CDH12: variants seen among roughly 807,000 people sequenced by gnomAD.
CDH12 encodes the protein cadherin 12.
A neutral mutation model predicts 74.1 loss-of-function variants in CDH12; 41 were observed. That is an observed-to-expected ratio of 0.55 (90% CI 0.43 to 0.72). The LOEUF (loss-of-function observed/expected upper bound fraction) is 0.72, where lower values mean the gene tolerates loss of function less well. Among genes scored for constraint, CDH12 ranks in the 30% least tolerant of loss-of-function variants. The pLI, the probability that CDH12 is intolerant of heterozygous loss-of-function variation, is 0.00. For synonymous variants in CDH12, 399 were observed against 355.0 expected (o/e 1.12, Z -1.39); for missense variants, 945 against 977.2 (o/e 0.97, Z 0.44).
At chr5:22,045,235 A>G (rs780270100) in intron 5 of CDH12, among the ~76,000 whole-genome samples, 32 of 152,188 alleles carry the variant, frequency 2.1e-4, no homozygotes, top group Non-Finnish European at 3.8e-4. Flanking sequence ...CAAAACCATA[A>G]TAAGATTGCA....
intron 6 of CDH12, among the ~76,000 whole-genome samples, chr5:21,860,259 A>G (rs1167583017): frequency 6.6e-6 from 1 of 152,080 alleles, no homozygotes; most frequent in Non-Finnish European, 1.5e-5. Flanking sequence ...TTGATTTCAT[A>G]TCAGCATTTA....
At chr5:22,601,285 A>G (rs769627189) in intron 1 of CDH12, among the ~76,000 whole-genome samples, 1 of 152,038 alleles carries the variant, frequency 6.6e-6, no homozygotes, top group Non-Finnish European at 1.5e-5. Flanking sequence ...CCGGGTATTA[A>G]GCCTAGTACA....
intron 5 of CDH12, among the ~76,000 whole-genome samples, chr5:21,982,530 TATCCATATATAGAG>T (rs1352356163): frequency 6.6e-6 from 1 of 151,762 alleles, no homozygotes; most frequent in Non-Finnish European, 1.5e-5. Context: ...GATACATCTA[TATCCATATATAGAG>T]ATCCATATAT....
At chr5:22,774,676 A>G (rs1746993981) in intron 1 of CDH12, among the ~76,000 whole-genome samples, 1 of 152,064 alleles carries the variant, frequency 6.6e-6, no homozygotes, top group Non-Finnish European at 1.5e-5. Flanking sequence ...CTTCACCATT[A>G]TTTTGAGGCC....
In CDH12 at chr5:22,059,317, C is replaced by CTAT. The variant is rs1293132949; in HGVS notation, c.231+19128_231+19129insATA. On this transcript the variant is annotated intron_variant, in intron 5 of 14. Transcript: ENST00000382254. ...TATCATCTATCTATCTATCATCTATCCATCTATCGTCTATCTATCATCTAT... is the reference window on the plus strand; with the variant it reads ...TATCATCTATCTATCTATCATCTATCTATCATCTATCGTCTATCTATCATCTAT... Among the ~76,000 whole-genome samples, 42 of 150,354 alleles carry CTAT rather than the reference C, an allele frequency of 2.8e-4. No homozygotes were observed. In the East Asian group the frequency reaches 4.5e-3, roughly 16 times the overall value.
intron 1 of CDH12, among the ~76,000 whole-genome samples, chr5:22,558,973 T>G (rs1348427481): frequency 6.6e-6 from 1 of 152,124 alleles, no homozygotes; most frequent in Non-Finnish European, 1.5e-5. Flanking sequence ...AAGATGCCAC[T>G]GCTTGTATGT....
At chr5:22,746,822 T>G (rs1238801031) in intron 1 of CDH12, among the ~76,000 whole-genome samples, 1 of 152,170 alleles carries the variant, frequency 6.6e-6, no homozygotes, top group Admixed American at 6.5e-5. Context: ...TAGCTTCAGA[T>G]GTTTACATCA....
Position 22,700,338 on chromosome 5 carries a change from C to T in CDH12, c.-523+152720G>A, listed in dbSNP as rs149855411. ...ATGTTGCAGGTTGCCCACTGAACAT[C>T]TTCTGTCACATCCTCATCACCTATG... is the stretch of plus-strand genomic sequence containing the variant. On this transcript the variant is annotated intron_variant, in intron 1 of 14. Coordinates refer to ENST00000382254, the MANE Select transcript of CDH12 (RefSeq NM_004061.5). 2.7e-3 allele frequency among the ~76,000 whole-genome samples: 409 copies of T among 152,286 alleles called. 4 individuals are homozygous for T. Among genetic ancestry groups the T allele is most frequent in the African/African-American group, 8.9e-3 (368 of 41,560 alleles).
chr5:22,372,333 T>A (rs1225310213), intron 3 of CDH12, among the ~76,000 whole-genome samples: 1 of 152,122 alleles, frequency 6.6e-6, no homozygotes, highest in African/African-American at 2.4e-5. Flanking sequence ...CCAGGCAGCC[T>A]GCTTGGCAGC....
At chr5:22,456,976 T>A (rs1219029657) in intron 2 of CDH12, among the ~76,000 whole-genome samples, 1 of 152,022 alleles carries the variant, frequency 6.6e-6, no homozygotes, top group Non-Finnish European at 1.5e-5. Context: ...GTAAAAGTGA[T>A]TTTTTTCTTA....
At chr5:22,006,512 A>T (rs1163031708) in intron 5 of CDH12, among the ~76,000 whole-genome samples, 2 of 151,978 alleles carry the variant, frequency 1.3e-5, no homozygotes, top group East Asian at 3.9e-4. Context: ...CAAGAACTTG[A>T]TCTATTTAGA....
At chr5:22,832,330 C>T (rs1220038998) in intron 1 of CDH12, among the ~76,000 whole-genome samples, 1 of 152,092 alleles carries the variant, frequency 6.6e-6, no homozygotes, top group Non-Finnish European at 1.5e-5. Flanking sequence ...AAACGTTAGC[C>T]AATATATCTG....
chr5:21,799,332 T>C (rs559625060), intron 10 of CDH12, among the ~76,000 whole-genome samples: 123 of 152,032 alleles, frequency 8.1e-4, no homozygotes, highest in Non-Finnish European at 1.6e-3. Flanking sequence ...TGCAGTAAAA[T>C]GTGAAATAAA....
At chr5:21,789,854 A>G (rs1746395221) in intron 10 of CDH12, among the ~76,000 whole-genome samples, 1 of 152,068 alleles carries the variant, frequency 6.6e-6, no homozygotes, top group Non-Finnish European at 1.5e-5. Flanking sequence ...GAGAGCAGAG[A>G]CTAGCTTTGT....
chr5:22,239,998 A>C (rs2150380154), intron 3 of CDH12, among the ~76,000 whole-genome samples: 1 of 152,288 alleles, frequency 6.6e-6, no homozygotes, highest in South Asian at 2.1e-4. Flanking sequence ...TCTCTTCCTT[A>C]GTATAAAATA....
At chr5:22,125,982 T>A (rs1292071922) in intron 4 of CDH12, among the ~76,000 whole-genome samples, 3 of 125,538 alleles carry the variant, frequency 2.4e-5, no homozygotes, top group African/African-American at 7.8e-5. Flanking sequence ...TTAAATCTAT[T>A]GTGTATTTCA....
At chr5:21,925,183 C>T (rs1365923987) in intron 6 of CDH12, among the ~76,000 whole-genome samples, 1 of 152,130 alleles carries the variant, frequency 6.6e-6, no homozygotes, top group Non-Finnish European at 1.5e-5. Context: ...GTGGAATCTT[C>T]CTACAAATCA....
chr5:22,352,126 G>GTT (rs77885542), intron 3 of CDH12, among the ~76,000 whole-genome samples: 2 of 136,952 alleles, frequency 1.5e-5, no homozygotes, highest in Admixed American at 7.2e-5. Context: ...GCTTAGACTT[G>GTT]TTTTTTTTTT....
At chr5:22,046,729 C>T (rs1190772274) in intron 5 of CDH12, among the ~76,000 whole-genome samples, 3 of 152,094 alleles carry the variant, frequency 2.0e-5, no homozygotes, top group African/African-American at 7.2e-5. Flanking sequence ...ATCTGTGATG[C>T]ACAGAATTGT....
Sources: gnomAD v4.1 joint callset for allele counts (sites outside exome capture counted in the v4.1 genomes callset) on GRCh38, gnomAD v4.1.1 for gene constraint, MANE v1.5 for transcripts, NCBI Gene and HGNC (gene_info 2026-07-23, HGNC 2026-07-21) for gene names.